The following ZNF438 variants were observed in gnomAD, a reference collection of about 807,000 sequenced individuals.
ZNF438 encodes the protein zinc finger protein 438.
ZNF438 carries 25 observed loss-of-function variants against 38.0 expected under a neutral mutation model. That is an observed-to-expected ratio of 0.66 (90% CI 0.48 to 0.92). The LOEUF is 0.92. Ranked by LOEUF, ZNF438 falls within the 40% of genes least tolerant of loss-of-function variation. ZNF438 has a pLI of 0.00. For synonymous variants in ZNF438, 372 were observed against 364.1 expected (o/e 1.02, Z -0.25); for missense variants, 1,007 against 999.6 (o/e 1.01, Z -0.10).
intron 1 of ZNF438, among the ~76,000 whole-genome samples, chr10:31,015,176 T>C (rs1453325051): frequency 6.6e-6 from 1 of 152,152 alleles, no homozygotes; most frequent in Non-Finnish European, 1.5e-5. Flanking sequence ...TCTGTTACTG[T>C]TATTGATCTT....
In ZNF438 at chr10:31,012,116, CT is replaced by C. The variant is rs551953199; in HGVS notation, c.-192+19716del. On this transcript the variant is annotated intron_variant, in intron 1 of 5. Transcript: ENST00000413025. Reference sequence around the variant, plus strand: ...AGAGTCTCTTCCCTGATCTCATTTTCTTTTTTTTTTTTCTTTTTTTTTTTGA... The same window carrying C: ...AGAGTCTCTTCCCTGATCTCATTTTCTTTTTTTTTTTCTTTTTTTTTTTGA... Among the ~76,000 whole-genome samples, 852 of 137,732 alleles carry C rather than the reference CT, an allele frequency of 6.2e-3. 5 individuals carry two copies. The highest frequency in any genetic ancestry group is 0.02 in the African/African-American group (775 of 38,314). 90.4% of individuals were successfully genotyped at this position (137,732 alleles called of 152,430 possible).
intron 1 of ZNF438, among the ~76,000 whole-genome samples, chr10:30,952,620 ACATTTATGC>A: frequency 3.0e-5 from 4 of 134,214 alleles, no homozygotes; most frequent in Non-Finnish European, 6.4e-5. Context: ...TCAAAAGAAG[ACATTTATGC>A]AGCCAAAAAA....
intron 1 of ZNF438, among the ~76,000 whole-genome samples, chr10:30,942,632 C>A (rs1297338704): frequency 6.6e-6 from 1 of 151,766 alleles, no homozygotes; most frequent in African/African-American, 2.4e-5. Flanking sequence ...CAGAATCATG[C>A]ATTGTTTACA....
chr10:30,962,203 T>G (rs2049572725), intron 1 of ZNF438, among the ~76,000 whole-genome samples: 2 of 147,116 alleles, frequency 1.4e-5, no homozygotes, highest in South Asian at 4.3e-4. Flanking sequence ...CTTAAAATAC[T>G]CAGATCAATC....
At chr10:31,020,286 G>T (rs1218303861) in intron 1 of ZNF438, among the ~76,000 whole-genome samples, 1 of 152,152 alleles carries the variant, frequency 6.6e-6, no homozygotes, top group Non-Finnish European at 1.5e-5. Context: ...GAGGACTGCA[G>T]CCAGGGACAC....
At chr10:31,028,941 C>A (rs2133430630) in intron 1 of ZNF438, among the ~76,000 whole-genome samples, 1 of 152,344 alleles carries the variant, frequency 6.6e-6, no homozygotes, top group East Asian at 1.9e-4. Context: ...TATAATCTTT[C>A]TCCCACAGAC....
intron 1 of ZNF438, among the ~76,000 whole-genome samples, chr10:30,960,396 A>C (rs1223034833): frequency 6.8e-6 from 1 of 147,344 alleles, no homozygotes; most frequent in Admixed American, 6.8e-5. Flanking sequence ...GAAGTTTTAT[A>C]ATTTTAGCTC....
In ZNF438 at chr10:31,031,877, C is replaced by T. The variant is rs2057319303; in HGVS notation, c.-236G>A. The stretch of plus-strand genomic sequence containing the variant: ...CGTCACAGCGGGGTGACGTCACGGG[C>T]CCAGCAGTCGGGGAGGTCAAGCCAC... On this transcript the variant is annotated 5_prime_UTR_variant, in exon 1 of 6. Transcript: ENST00000413025. The T allele has an allele frequency of 6.6e-6, 1 of 152,468 alleles. No homozygotes were observed. The highest frequency in any genetic ancestry group is 2.4e-5 in the African/African-American group (1 of 41,406). The allele number at this position is 152,468 out of a possible 1,614,324, so 9.4% of individuals were successfully genotyped here.
chr10:30,866,287 C>T (rs999167023), intron 4 of ZNF438, among the ~76,000 whole-genome samples: 10 of 152,064 alleles, frequency 6.6e-5, no homozygotes, highest in African/African-American at 2.4e-4. Flanking sequence ...TCATGGAATA[C>T]AATTTTTACT....
intron 1 of ZNF438, among the ~76,000 whole-genome samples, chr10:31,024,203 G>A (rs2056790808): frequency 2.0e-5 from 3 of 152,218 alleles, no homozygotes; most frequent in Admixed American, 2.0e-4. Flanking sequence ...ATTATGAGTT[G>A]GGTGGCACTG....
chr10:30,849,223 C>CA lies in ZNF438; in HGVS notation c.1181dup (p.Leu394PhefsTer13). The CA allele has an allele frequency of 6.2e-7, 1 of 1,614,028 alleles. No homozygotes were observed. The highest frequency in any genetic ancestry group is 8.5e-7 in the Non-Finnish European group (1 of 1,180,028). On this transcript the variant is annotated frameshift_variant, in exon 5 of 6. Transcript: ENST00000413025. LOFTEE classifies it high-confidence loss of function. ...ATTTCCTCCTTTTTCCCTGAAATGC[C>CA]AAAATTTCATCTGGTACCTTCCGTT...
rs1347541257 is a variant in ZNF438, at chr10:30,996,658, A to G, written c.-192+35175T>C. Among the ~76,000 whole-genome samples, 5 of 152,040 alleles carry G rather than the reference A, an allele frequency of 3.3e-5. No individual in the cohort carries two copies. In the East Asian group the frequency reaches 9.6e-4, roughly 29 times the overall value. Reference sequence around the variant, plus strand: ...TACTAGATAAAACCACCAGGAAGAAAATCAACAAGAATACAGAAGATTTGA... The same window carrying G: ...TACTAGATAAAACCACCAGGAAGAAGATCAACAAGAATACAGAAGATTTGA... On this transcript the variant is annotated intron_variant, in intron 1 of 5. Transcript: ENST00000413025.
intron 1 of ZNF438, among the ~76,000 whole-genome samples, chr10:31,026,298 C>G (rs572609697): frequency 6.6e-6 from 1 of 152,290 alleles, no homozygotes; most frequent in South Asian, 2.1e-4. Context: ...AAAGAGTGAA[C>G]AGGCAACCTA....
intron 1 of ZNF438, among the ~76,000 whole-genome samples, chr10:30,995,932 G>T (rs2054002386): frequency 6.6e-6 from 1 of 152,112 alleles, no homozygotes; most frequent in South Asian, 2.1e-4. Flanking sequence ...GTGTTGTTGG[G>T]TTTGACATAA....
chr10:30,971,656 T>G (rs186607890), intron 1 of ZNF438, among the ~76,000 whole-genome samples: 43 of 152,324 alleles, frequency 2.8e-4, no homozygotes, highest in African/African-American at 9.6e-4. Context: ...ACTTTTTTTA[T>G]AGTTAACGTG....
At chr10:30,947,674 G>C (rs563210239) in intron 1 of ZNF438, among the ~76,000 whole-genome samples, 78 of 152,342 alleles carry the variant, frequency 5.1e-4, no homozygotes, top group African/African-American at 1.8e-3. Context: ...AGCAATCAGC[G>C]AGACTCCGTG....
At position 30,850,369 on chromosome 10, in the gene ZNF438, T is replaced by C. The variant is rs533436297; in HGVS notation, c.38-2A>G. 54 of 1,608,184 alleles carry C rather than the reference T, an allele frequency of 3.4e-5. No homozygotes were observed. The South Asian group carries it at 6.0e-4, about 18-fold the overall frequency. ...TTCCAGAAGGGATGTTTGATTCACC[T>C]GCAATGACAATAAAATATAAAGAGT... On this transcript the variant is annotated splice_acceptor_variant, in intron 4 of 5. Transcript: ENST00000413025. LOFTEE classifies it high-confidence loss of function.
At chr10:30,915,049 CTGGT>C (rs2043460784) in intron 2 of ZNF438, among the ~76,000 whole-genome samples, 1 of 152,012 alleles carries the variant, frequency 6.6e-6, no homozygotes, top group African/African-American at 2.4e-5. Flanking sequence ...AATAGGCTTA[CTGGT>C]GACACCCCAA....
At chr10:30,903,657 T>C (rs913663560) in intron 3 of ZNF438, among the ~76,000 whole-genome samples, 1 of 152,194 alleles carries the variant, frequency 6.6e-6, no homozygotes, top group African/African-American at 2.4e-5. Flanking sequence ...CTTGTGTTTA[T>C]TACTGCTTGA....
Sources: gnomAD v4.1 joint callset for allele counts (sites outside exome capture counted in the v4.1 genomes callset) on GRCh38, gnomAD v4.1.1 for gene constraint, MANE v1.5 for transcripts, NCBI Gene and HGNC (gene_info 2026-07-23, HGNC 2026-07-21) for gene names.